NRAP: variants seen among roughly 807,000 people sequenced by gnomAD.
The protein encoded by NRAP is nebulin-related-anchoring protein.
A neutral mutation model predicts 225.9 loss-of-function variants in NRAP; 189 were observed. That is an observed-to-expected ratio of 0.84 (90% CI 0.74 to 0.94). The LOEUF is 0.94. Ranked by LOEUF, NRAP falls within the 40% of genes least tolerant of loss-of-function variation. The pLI is 0.00. For synonymous variants in NRAP, 769 were observed against 790.7 expected (o/e 0.97, Z 0.46); for missense variants, 2,176 against 2,168.7 (o/e 1.00, Z -0.07).
In NRAP at chr10:113,614,247, G is replaced by A. The variant is rs190161041; in HGVS notation, c.3236C>T (p.Ser1079Phe). The A allele has an allele frequency of 3.0e-5, 49 of 1,614,106 alleles. No individual in the cohort carries two copies. The East Asian group carries it at 1.0e-3, about 34-fold the overall frequency. The part of the protein sequence containing the change: ...FEKMKGQMLG[S>F]RSLEDDISLA... ...GCTGATATCATCTTCCAAGCTCCGG[G>A]AACCAAGCATCTGTCCTTTCATTTT... The change falls in exon 29 of 42, where the codon TCC (serine) becomes TTC (phenylalanine). Residue 1079 changes from serine to phenylalanine, a missense_variant. This residue lies in a region of NRAP where 1,708 missense variants were observed against 1,695.5 expected (regional missense o/e 1.01). Transcript: ENST00000359988.
At chr10:113,634,925 C>T (rs1040731953) in intron 14 of NRAP, among the ~76,000 whole-genome samples, 3 of 152,140 alleles carry the variant, frequency 2.0e-5, no homozygotes, top group Admixed American at 2.0e-4. Flanking sequence ...AACATGTCCC[C>T]ACCCCGTACA....
At chr10:113,646,162 TTATACTC>T (rs748134504) in intron 10 of NRAP, among the ~76,000 whole-genome samples, 6 of 152,214 alleles carry the variant, frequency 3.9e-5, no homozygotes, top group African/African-American at 7.2e-5. Flanking sequence ...TTTTTATACT[TTATACTC>T]TAATTCTGCG....
intron 26 of NRAP, among the ~76,000 whole-genome samples, chr10:113,616,303 T>G (rs1469290146): frequency 2.0e-5 from 3 of 152,176 alleles, no homozygotes; most frequent in African/African-American, 7.2e-5. Flanking sequence ...TACCCAGAAC[T>G]CTGACCCAAG....
chr10:113,656,630 C>T (rs923592867), intron 4 of NRAP, among the ~76,000 whole-genome samples: 1 of 152,078 alleles, frequency 6.6e-6, no homozygotes, highest in Non-Finnish European at 1.5e-5. Context: ...TTTTGTTCAT[C>T]GCAATATCAT....
At chr10:113,642,650 A>G (rs1477101396) in intron 12 of NRAP, among the ~76,000 whole-genome samples, 33 of 152,182 alleles carry the variant, frequency 2.2e-4, no homozygotes, top group Admixed American at 2.2e-3. Context: ...ACCAGCATTC[A>G]TCACTATGAG....
rs185648016 is a variant in NRAP, at chr10:113,611,373, G to T, written c.3499-810C>A. Among the ~76,000 whole-genome samples, 6 of 152,310 alleles carry T rather than the reference G, an allele frequency of 3.9e-5. No individual in the cohort carries two copies. The East Asian group carries it at 9.6e-4, about 24-fold the overall frequency. ...CAGGCACTGCCAAACCAGGAAAGAG[G>T]TTTTGTGCGGAGTTTTCTTTTCCTA... On this transcript the variant is annotated intron_variant, in intron 30 of 41. Coordinates refer to ENST00000359988, the MANE Select transcript of NRAP (RefSeq NM_198060.4).
chr10:113,618,675 A>G (rs1336382077), intron 25 of NRAP, among the ~76,000 whole-genome samples: 3 of 152,268 alleles, frequency 2.0e-5, no homozygotes, highest in Non-Finnish European at 4.4e-5. Context: ...GGCCGAGTGC[A>G]GTGGCTCACG....
At chr10:113,643,254 C>T (rs1319235620) in intron 11 of NRAP, among the ~76,000 whole-genome samples, 2 of 152,146 alleles carry the variant, frequency 1.3e-5, no homozygotes, top group African/African-American at 4.8e-5. Flanking sequence ...AAATTAAAAG[C>T]ATATAGTCGC....
chr10:113,617,691 C>A, intron 25 of NRAP, 138 bp from the exon 26 acceptor site: 1 of 638,248 alleles, frequency 1.6e-6, no homozygotes, highest in South Asian at 1.8e-5. Flanking sequence ...ATCTTTATAT[C>A]CTAGGTGCCT....
intron 9 of NRAP, among the ~76,000 whole-genome samples, chr10:113,648,276 C>T (rs1849701508): frequency 6.6e-6 from 1 of 152,050 alleles, no homozygotes; most frequent in South Asian, 2.1e-4. Context: ...AACTATTTAG[C>T]CCGAGTTCTC....
intron 13 of NRAP, among the ~76,000 whole-genome samples, chr10:113,640,536 C>T (rs1849142427): frequency 6.6e-6 from 1 of 152,166 alleles, no homozygotes; most frequent in Admixed American, 6.5e-5. Flanking sequence ...TAACTTCCAT[C>T]TGTAGCACAT....
intron 30 of NRAP, 124 bp from the exon 31 acceptor site, chr10:113,610,687 C>T: frequency 1.6e-6 from 1 of 629,262 alleles, no homozygotes; most frequent in East Asian, 2.8e-5. Context: ...CAAGGCTGAA[C>T]CCGTCCCTCC....
At chr10:113,629,848 T>C in intron 18 of NRAP, 63 bp from the exon 19 acceptor site, 1 of 1,160,944 alleles carries the variant, frequency 8.6e-7, no homozygotes, top group Non-Finnish European at 1.3e-6. Context: ...AGGAGTGATG[T>C]GAAAATGCAG....
Position 113,663,405 on chromosome 10 carries a change from C to A in NRAP, c.114G>T (p.Met38Ile). The A allele has an allele frequency of 6.2e-7, 1 of 1,613,480 alleles. No individual in the cohort carries two copies. Among genetic ancestry groups the A allele is most frequent in the African/African-American group, 1.3e-5 (1 of 75,040 alleles). ...KACFHCEVCKMMLSVNNFVSH... is the reference protein window; with the variant it reads ...KACFHCEVCKIMLSVNNFVSH... ...TCACAAAGTTATTAACAGACAGCAT[C>A]ATCTTGCAAACTTCACAGTGAAAAC... Residue 38 changes from methionine (M) to isoleucine (I), a missense_variant, in exon 2 of 42, where the codon ATG becomes ATT. This residue lies in a region of NRAP where 1,708 missense variants were observed against 1,695.5 expected (regional missense o/e 1.01). Coordinates refer to ENST00000359988, the MANE Select transcript of NRAP (RefSeq NM_198060.4).
intron 39 of NRAP, among the ~76,000 whole-genome samples, chr10:113,591,637 T>C (rs1457175268): frequency 6.6e-6 from 1 of 152,220 alleles, no homozygotes; most frequent in Non-Finnish European, 1.5e-5. Flanking sequence ...TAGTCAATGG[T>C]GCCCTCTCTT....
At chr10:113,597,568 C>T (rs1219662612) in intron 36 of NRAP, among the ~76,000 whole-genome samples, 1 of 152,136 alleles carries the variant, frequency 6.6e-6, no homozygotes, top group Non-Finnish European at 1.5e-5. Context: ...GATCCCCAGG[C>T]TGTTAGTATG....
At chr10:113,615,907 G>A (rs1235859178) in intron 26 of NRAP, 91 bp from the exon 27 acceptor site, 4 of 751,786 alleles carry the variant, frequency 5.3e-6, no homozygotes, top group Non-Finnish European at 9.5e-6. Flanking sequence ...AGCTGCTGCA[G>A]CTGCCACCTC....
chr10:113,628,778 G>T (rs1327357451), intron 20 of NRAP, 139 bp downstream of exon 20: 2 of 595,536 alleles, frequency 3.4e-6, no homozygotes, highest in Non-Finnish European at 3.0e-6. Flanking sequence ...TGTGCTACAG[G>T]TGTGAAATGA....
At chr10:113,596,939 G>T in intron 37 of NRAP, 147 bp downstream of exon 37, 1 of 572,922 alleles carries the variant, frequency 1.7e-6, no homozygotes, top group South Asian at 2.4e-5. Flanking sequence ...GTCATAGAAA[G>T]ATTTACACAC....
Sources: allele counts gnomAD v4.1 joint callset (sites outside exome capture counted in the v4.1 genomes callset), GRCh38; gene constraint gnomAD v4.1.1; regional missense constraint gnomAD v4.1.1; transcripts MANE v1.5; gene names NCBI Gene and HGNC (gene_info 2026-07-23, HGNC 2026-07-21).